The following SLC25A21 variants were observed in gnomAD, a reference collection of about 807,000 sequenced individuals.
The protein encoded by SLC25A21 is mitochondrial 2-oxodicarboxylate carrier.
In SLC25A21, 47 loss-of-function variants were observed where a neutral mutation model predicts 43.8. The ratio of observed to expected loss-of-function variants is 1.07; its 90% CI spans 0.85 to 1.37. The LOEUF is 1.37. SLC25A21 is among the 40% of genes most tolerant of loss of function. The probability of loss-of-function intolerance (pLI) is 0.00; values close to 1 mark genes in which losing one functional copy is unlikely to be tolerated. For missense variants in SLC25A21, 352 were observed against 350.2 expected, an observed-to-expected ratio of 1.00 and a Z score of -0.04; for synonymous variants, 131 against 121.3, an observed-to-expected ratio of 1.08 and a Z score of -0.52.
At chr14:37,051,814 T>C (rs1039365871) in intron 1 of SLC25A21, among the ~76,000 whole-genome samples, 1 of 152,050 alleles carries the variant, frequency 6.6e-6, no homozygotes, top group Non-Finnish European at 1.5e-5. Context: ...CAGTGGAAAA[T>C]ACTCTGACCT....
chr14:36,967,394 C>G (rs924619775), intron 1 of SLC25A21, among the ~76,000 whole-genome samples: 3 of 152,172 alleles, frequency 2.0e-5, no homozygotes, highest in Non-Finnish European at 2.9e-5. Flanking sequence ...ACTCTACTAA[C>G]CATACATGAG....
intron 1 of SLC25A21, among the ~76,000 whole-genome samples, chr14:37,063,584 T>C (rs117566755): frequency 3.3e-5 from 5 of 151,556 alleles, no homozygotes; most frequent in Non-Finnish European, 7.4e-5. Context: ...CTGAGGTGCA[T>C]GTTGTGGAGG....
At chr14:36,984,900 A>C (rs1398491171) in intron 1 of SLC25A21, among the ~76,000 whole-genome samples, 1 of 151,556 alleles carries the variant, frequency 6.6e-6, no homozygotes, top group Non-Finnish European at 1.5e-5. Flanking sequence ...AGCATTATTC[A>C]CAATAGCAAA....
intron 3 of SLC25A21, among the ~76,000 whole-genome samples, chr14:36,751,898 T>C (rs1262455324): frequency 6.6e-6 from 1 of 152,230 alleles, no homozygotes; most frequent in Non-Finnish European, 1.5e-5. Context: ...AGGCAAATAA[T>C]TGAGCACCTA....
chr14:36,953,847 A>G (rs79918194), intron 1 of SLC25A21, among the ~76,000 whole-genome samples: 3,402 of 152,310 alleles, frequency 0.022, 57 homozygotes, highest in Non-Finnish European at 0.035. Flanking sequence ...TATTAAATTT[A>G]TTAGATATTT....
intron 6 of SLC25A21, among the ~76,000 whole-genome samples, chr14:36,711,699 C>A (rs980595160): frequency 3.9e-5 from 6 of 152,064 alleles, no homozygotes; most frequent in Non-Finnish European, 8.8e-5. Context: ...AGATTGTTGG[C>A]AAAGAACAAA....
At chr14:36,793,565 A>T (rs1429199348) in intron 3 of SLC25A21, among the ~76,000 whole-genome samples, 1 of 150,672 alleles carries the variant, frequency 6.6e-6, no homozygotes, top group Non-Finnish European at 1.5e-5. Flanking sequence ...CATGAATATC[A>T]TGATGGTCTC....
intron 3 of SLC25A21, among the ~76,000 whole-genome samples, chr14:36,768,515 C>G (rs1236675905): frequency 6.6e-6 from 1 of 152,118 alleles, no homozygotes; most frequent in Non-Finnish European, 1.5e-5. Flanking sequence ...CATACACAGG[C>G]TTTCTAATTG....
chr14:36,769,886 A>C (rs1236394140), intron 3 of SLC25A21, among the ~76,000 whole-genome samples: 1 of 152,174 alleles, frequency 6.6e-6, no homozygotes, highest in African/African-American at 2.4e-5. Flanking sequence ...TTTCTACCAT[A>C]TTTAGTGTTG....
At chr14:36,844,906 T>C (rs1889495334) in intron 2 of SLC25A21, among the ~76,000 whole-genome samples, 1 of 152,180 alleles carries the variant, frequency 6.6e-6, no homozygotes, top group Non-Finnish European at 1.5e-5. Context: ...CAGCAAGAAC[T>C]CTCAAGCTGC....
chr14:37,048,955 A>T (rs1961647504), intron 1 of SLC25A21, among the ~76,000 whole-genome samples: 1 of 152,062 alleles, frequency 6.6e-6, no homozygotes, highest in South Asian at 2.1e-4. Context: ...CTCAACTCTG[A>T]CTCACCTGTG....
At chr14:36,831,766 A>C (rs1889048635) in intron 2 of SLC25A21, among the ~76,000 whole-genome samples, 1 of 152,204 alleles carries the variant, frequency 6.6e-6, no homozygotes, top group South Asian at 2.1e-4. Flanking sequence ...TTCTTTTATA[A>C]GATGCATCGA....
intron 1 of SLC25A21, among the ~76,000 whole-genome samples, chr14:36,916,111 T>C (rs1202021833): frequency 2.0e-5 from 3 of 152,286 alleles, no homozygotes; most frequent in South Asian, 4.1e-4. Context: ...AGATTAAAAA[T>C]AACAACAGCA....
intron 1 of SLC25A21, among the ~76,000 whole-genome samples, chr14:36,919,343 G>A (rs1182467694): frequency 2.0e-5 from 3 of 151,622 alleles, no homozygotes; most frequent in Non-Finnish European, 4.4e-5. Context: ...CATCTTTTTG[G>A]GTAAAAATTC....
intron 1 of SLC25A21, among the ~76,000 whole-genome samples, chr14:36,909,051 G>C (rs537828973): frequency 1.1e-4 from 16 of 152,146 alleles, no homozygotes; most frequent in Non-Finnish European, 2.2e-4. Context: ...GGAAAATAGA[G>C]GGACTTAAGG....
intron 1 of SLC25A21, among the ~76,000 whole-genome samples, chr14:37,079,664 C>T (rs1332641954): frequency 6.6e-6 from 1 of 152,218 alleles, no homozygotes; most frequent in East Asian, 1.9e-4. Context: ...TACTATCTAG[C>T]CTGTGCCTCC....
At chr14:36,779,214 A>G (rs1235197109) in intron 3 of SLC25A21, among the ~76,000 whole-genome samples, 2 of 146,734 alleles carry the variant, frequency 1.4e-5, no homozygotes, top group African/African-American at 2.5e-5. Flanking sequence ...TATTACATAT[A>G]TTACATATTC....
intron 1 of SLC25A21, among the ~76,000 whole-genome samples, chr14:37,063,320 TG>T (rs2088353882): frequency 6.6e-6 from 1 of 151,920 alleles, no homozygotes; most frequent in Admixed American, 6.6e-5. Context: ...ATGAACATGG[TG>T]AAACCCCGTC....
chr14:36,887,930 C>T (rs1175485320), intron 1 of SLC25A21, among the ~76,000 whole-genome samples: 1 of 152,146 alleles, frequency 6.6e-6, no homozygotes, highest in Non-Finnish European at 1.5e-5. Flanking sequence ...ACCCTGCCCA[C>T]CCCTCCAGAG....
Sources: gnomAD v4.1 joint callset for allele counts (sites outside exome capture counted in the v4.1 genomes callset) on GRCh38, gnomAD v4.1.1 for gene constraint, MANE v1.5 for transcripts, NCBI Gene and HGNC (gene_info 2026-07-23, HGNC 2026-07-21) for gene names.